The following PSD3 variants were observed in gnomAD, a reference collection of about 807,000 sequenced individuals.
PSD3 encodes pleckstrin and Sec7 domain containing 3.
In PSD3, 49 loss-of-function variants were observed where a neutral mutation model predicts 105.5. The ratio of observed to expected loss-of-function variants is 0.46; its 90% CI spans 0.37 to 0.59. PSD3 has a LOEUF of 0.59. PSD3 is among the 20% of genes least tolerant of loss of function. The pLI, the probability that PSD3 is intolerant of heterozygous loss-of-function variation, is 0.00. For missense variants in PSD3, 1,561 were observed against 1,263.8 expected (o/e 1.24, Z -3.57); for synonymous variants, 557 against 457.8 (o/e 1.22, Z -2.77).
At chr8:18,683,798 T>C (rs2130961138) in intron 9 of PSD3, 1 of 765,330 alleles carries the variant, frequency 1.3e-6, no homozygotes, top group Middle Eastern at 2.3e-4. Context: ...CAGAAAACTC[T>C]GAGGAGTTGG....
At chr8:19,007,832 T>TTTTTTATTTTTA (rs962826400) in intron 1 of PSD3, among the ~76,000 whole-genome samples, 1 of 152,092 alleles carries the variant, frequency 6.6e-6, no homozygotes, top group Non-Finnish European at 1.5e-5. Flanking sequence ...TCAAGGGAGA[T>TTTTTTATTTTTA]TTTTTATTTT....
At chr8:19,030,410 C>G (rs1827725016) in intron 1 of PSD3, among the ~76,000 whole-genome samples, 1 of 152,092 alleles carries the variant, frequency 6.6e-6, no homozygotes, top group Non-Finnish European at 1.5e-5. Context: ...TAATCCCCAG[C>G]ATTGAAGGTG....
chr8:18,821,938 A>G (rs1812777209), intron 4 of PSD3, among the ~76,000 whole-genome samples: 1 of 152,036 alleles, frequency 6.6e-6, no homozygotes, highest in Admixed American at 6.5e-5. Flanking sequence ...ATCCTAAGAA[A>G]AAATAAGACT....
chr8:18,693,031 A>G (rs1188433931), intron 9 of PSD3, among the ~76,000 whole-genome samples: 1 of 152,180 alleles, frequency 6.6e-6, no homozygotes, highest in Non-Finnish European at 1.5e-5. Context: ...AAAATCTGAA[A>G]CAGACGCTGA....
chr8:19,028,299 C>CCCCCT (rs1563517980), intron 1 of PSD3, among the ~76,000 whole-genome samples: 1 of 96,182 alleles, frequency 1.0e-5, no homozygotes, highest in Non-Finnish European at 2.0e-5. Flanking sequence ...CCGGCCCACC[C>CCCCCT]TTTTTTTTTT....
chr8:18,868,721 C>A (rs540604473), intron 3 of PSD3, among the ~76,000 whole-genome samples: 9 of 152,330 alleles, frequency 5.9e-5, no homozygotes, highest in Non-Finnish European at 1.2e-4. Flanking sequence ...AGGGCATTCA[C>A]TTTGGCACAC....
At chr8:19,004,440 GT>G (rs1208505066) in intron 1 of PSD3, among the ~76,000 whole-genome samples, 2 of 152,032 alleles carry the variant, frequency 1.3e-5, no homozygotes, top group Non-Finnish European at 2.9e-5. Flanking sequence ...CTGGTGCTCT[GT>G]TTAAGATAAA....
At chr8:18,747,754 T>C (rs142233797) in intron 9 of PSD3, among the ~76,000 whole-genome samples, 4 of 152,148 alleles carry the variant, frequency 2.6e-5, no homozygotes, top group African/African-American at 9.6e-5. Flanking sequence ...TGTGTACCAA[T>C]GTCTGCTCAG....
chr8:18,583,726 T>C (rs896051224), intron 12 of PSD3, among the ~76,000 whole-genome samples: 1 of 152,210 alleles, frequency 6.6e-6, no homozygotes, highest in African/African-American at 2.4e-5. Context: ...TTAAGTGCCC[T>C]TCCATATGTG....
At chr8:19,064,277 AG>A (rs1408326545) in intron 1 of PSD3, among the ~76,000 whole-genome samples, 1 of 152,240 alleles carries the variant, frequency 6.6e-6, no homozygotes, top group Admixed American at 6.5e-5. Flanking sequence ...GTACCTAAAT[AG>A]AGTAATATTA....
chr8:18,822,716 C>A (rs936084189), intron 4 of PSD3, among the ~76,000 whole-genome samples: 1 of 152,306 alleles, frequency 6.6e-6, no homozygotes, highest in South Asian at 2.1e-4. Context: ...AGCTTGCACT[C>A]ATGTTTTATG....
intron 4 of PSD3, 93 bp downstream of exon 4, chr8:18,867,581 A>T (rs542293034): frequency 6.9e-7 from 1 of 1,459,168 alleles, no homozygotes. Context: ...AAATTGGCCA[A>T]ATGATTTAAA....
intron 12 of PSD3, 57 bp downstream of exon 12, chr8:18,600,307 G>T: frequency 7.0e-7 from 1 of 1,424,914 alleles, no homozygotes. Context: ...ACATATACTG[G>T]ACCTCATGTA....
chr8:18,785,144 A>G (rs560600237), intron 8 of PSD3, among the ~76,000 whole-genome samples: 1 of 152,248 alleles, frequency 6.6e-6, no homozygotes, highest in South Asian at 2.1e-4. Flanking sequence ...CATTTCAAGA[A>G]CCAGGAGCAG....
At chr8:18,648,693 T>G (rs577118923) in intron 10 of PSD3, among the ~76,000 whole-genome samples, 2 of 152,286 alleles carry the variant, frequency 1.3e-5, no homozygotes, top group East Asian at 3.9e-4. Context: ...CAAAGGCATT[T>G]CAGAGACCTT....
intron 2 of PSD3, among the ~76,000 whole-genome samples, chr8:18,902,254 G>A (rs527523100): frequency 5.9e-5 from 9 of 152,040 alleles, no homozygotes; most frequent in Admixed American, 2.6e-4. Flanking sequence ...AGATTCTTAC[G>A]CTTGATCAAG....
chr8:18,828,424 A>G (rs1813404523), intron 4 of PSD3, among the ~76,000 whole-genome samples: 1 of 152,170 alleles, frequency 6.6e-6, no homozygotes, highest in Non-Finnish European at 1.5e-5. Context: ...AAGTGACCAC[A>G]TTCAAGCTTC....
intron 9 of PSD3, among the ~76,000 whole-genome samples, chr8:18,738,338 TC>T (rs1012916995): frequency 6.6e-6 from 1 of 152,046 alleles, no homozygotes; most frequent in Non-Finnish European, 1.5e-5. Flanking sequence ...TCTCTGAAAC[TC>T]CTTTTCTCAT....
At chr8:18,694,237 C>A (rs1160378866) in intron 9 of PSD3, among the ~76,000 whole-genome samples, 3 of 152,238 alleles carry the variant, frequency 2.0e-5, no homozygotes, top group Non-Finnish European at 2.9e-5. Context: ...TGCCAGCCAA[C>A]TCTCCTCATC....
Sources: allele counts gnomAD v4.1 joint callset (sites outside exome capture counted in the v4.1 genomes callset), GRCh38; gene constraint gnomAD v4.1.1; transcripts MANE v1.5; gene names NCBI Gene and HGNC (gene_info 2026-07-23, HGNC 2026-07-21).